MRC2: variants seen among roughly 807,000 people sequenced by gnomAD.
MRC2 encodes mannose receptor C-type 2, also known as C-type mannose receptor 2.
In MRC2, 84 loss-of-function variants were observed where a neutral mutation model predicts 206.2. The observed-to-expected ratio is 0.41, with a 90% CI of 0.34 to 0.49. The LOEUF (loss-of-function observed/expected upper bound fraction) is 0.49, where lower values mean the gene tolerates loss of function less well. Among genes scored for constraint, MRC2 ranks in the 20% least tolerant of loss-of-function variants. The probability of loss-of-function intolerance (pLI) is 0.31; values close to 1 mark genes in which losing one functional copy is unlikely to be tolerated. For missense variants in MRC2, 1,676 were observed against 2,001.5 expected, an observed-to-expected ratio of 0.84 and a Z score of 3.10; for synonymous variants, 798 against 800.0, an observed-to-expected ratio of 1.00 and a Z score of 0.04.
At position 62,674,105 on chromosome 17, in the gene MRC2, T is replaced by G; in HGVS notation, c.1504T>G (p.Ser502Ala). The change falls in exon 9 of 30, where the codon TCC becomes GCC. Residue 502 changes from serine to alanine, a missense_variant. Around this residue, in one of 3 missense-constraint regions of MRC2, gnomAD observed 1,354 missense variants for 1,636.6 expected, o/e 0.83. Coordinates refer to ENST00000303375, the MANE Select transcript of MRC2 (RefSeq NM_006039.5). ...NDSPCNQSLP[S>A]ICKKAGQLSQ... Reference sequence around the variant, plus strand: ...CAGTCCCTGTAACCAGTCCTTGCCATCCATCTGCAAGAAGGCAGGCCAGCT... The same window carrying G: ...CAGTCCCTGTAACCAGTCCTTGCCAGCCATCTGCAAGAAGGCAGGCCAGCT... 1 of 1,555,682 alleles carries G rather than the reference T, an allele frequency of 6.4e-7. No homozygotes were observed. Among genetic ancestry groups the G allele is most frequent in the Non-Finnish European group, 8.7e-7 (1 of 1,149,344 alleles).
intron 1 of MRC2, among the ~76,000 whole-genome samples, chr17:62,649,706 T>G (rs2088532068): frequency 6.6e-6 from 1 of 152,164 alleles, no homozygotes; most frequent in Admixed American, 6.6e-5. Context: ...GAAACGTGCC[T>G]TGATTTCTCA....
Position 62,667,451 on chromosome 17 carries a change from C to A in MRC2, c.1035C>A (p.Gly345=). The change falls in exon 6 of 30, where the codon GGC becomes GGA. Residue 345 remains glycine, a synonymous_variant. Coordinates refer to ENST00000303375, the MANE Select transcript of MRC2 (RefSeq NM_006039.5). The surrounding 1 kb of genome is among the most constrained non-coding windows in gnomAD (Gnocchi z 4.1). ...TGATCCGCACTGAGTCCTCGGGCGGCTGGCAGAACCGTGACTGCAGCATCG... is the reference window on the plus strand; with the variant it reads ...TGATCCGCACTGAGTCCTCGGGCGGATGGCAGAACCGTGACTGCAGCATCG... ...CGVIRTESSG[G]WQNRDCSIAL... The A allele has an allele frequency of 6.2e-7, 1 of 1,612,820 alleles. No homozygotes were observed. The highest frequency in any genetic ancestry group is 8.5e-7 in the Non-Finnish European group (1 of 1,179,782).
chr17:62,644,623 C>T (rs897981713), intron 1 of MRC2, among the ~76,000 whole-genome samples: 3 of 152,146 alleles, frequency 2.0e-5, no homozygotes, highest in Non-Finnish European at 2.9e-5. Context: ...CAGTCAGTCA[C>T]GTGACCCCAG....
intron 1 of MRC2, among the ~76,000 whole-genome samples, chr17:62,659,227 CA>C (rs1212873415): frequency 1.3e-5 from 2 of 152,094 alleles, no homozygotes; most frequent in African/African-American, 2.4e-5. Flanking sequence ...ATCCTAATGC[CA>C]TCACCATGGG....
chr17:62,690,547 A>G, intron 26 of MRC2, 95 bp from the exon 27 acceptor site: 1 of 1,491,446 alleles, frequency 6.7e-7, no homozygotes, highest in South Asian at 1.3e-5. Flanking sequence ...ACCATCCTCT[A>G]CTCAGGCTGC....
chr17:62,675,674 C>T lies in MRC2; in HGVS notation c.1570-116C>T, dbSNP rs546709363. 3.0e-5 allele frequency: 24 copies of T among 799,222 alleles called. No individual in the cohort carries two copies. The highest frequency in any genetic ancestry group is 1.1e-4 in the South Asian group (7 of 64,624). 49.5% of individuals were successfully genotyped at this position (799,222 alleles called of 1,614,324 possible). A position where few individuals can be genotyped will look rare whatever the true frequency, so the allele number is the denominator to read the frequency against. ...GCCCAGTACTCAAACCAGTCCCCTC[C>T]GTCCTGAGCACGTTCAGTGATGTCC... On this transcript the variant is annotated intron_variant, in intron 9 of 29. Coordinates refer to ENST00000303375, the MANE Select transcript of MRC2 (RefSeq NM_006039.5). The surrounding 1 kb of genome is among the most constrained non-coding windows in gnomAD (Gnocchi z 4.1).
intron 11 of MRC2, 108 bp downstream of exon 11, chr17:62,676,639 C>A: frequency 7.3e-7 from 1 of 1,370,754 alleles, no homozygotes; most frequent in Non-Finnish European, 9.9e-7. Flanking sequence ...ATCATTGGTG[C>A]ACTGTGGTGT....
Position 62,681,904 on chromosome 17 carries a change from G to A in MRC2, c.2770G>A (p.Asp924Asn). 2 of 1,613,960 alleles carry A rather than the reference G, an allele frequency of 1.2e-6. No homozygotes were observed. Among genetic ancestry groups the A allele is most frequent in the East Asian group, 2.2e-5 (1 of 44,882 alleles). ...AGGCAAACCTCGGCCTGTCGGCAAG[G>A]ACAAGAAGTGCGTGTACATGACAGC... The part of the protein sequence containing the change: ...APGKPRPVGK[D>N]KKCVYMTASR... Residue 924 changes from aspartate to asparagine, a missense_variant, in exon 19 of 30, where the codon GAC (aspartate) becomes AAC (asparagine). Coordinates refer to ENST00000303375, the MANE Select transcript of MRC2 (RefSeq NM_006039.5).
chr17:62,692,176 A>AGG lies in MRC2; in HGVS notation c.4219+38_4219+39insGG. ...CAATGCCCCCAGGTGGGCAGGCAGG[A>AGG]AGCACTGCTGGGCCTAACGCCCACT... On this transcript the variant is annotated intron_variant, in intron 29 of 29. Transcript: ENST00000303375. This position sits in a 1 kb window ranked among gnomAD's most constrained non-coding sequence, Gnocchi z 4.2. 2 of 1,614,094 alleles carry AGG rather than the reference A, an allele frequency of 1.2e-6. No homozygotes were observed. Among genetic ancestry groups the AGG allele is most frequent in the Non-Finnish European group, 1.7e-6 (2 of 1,180,030 alleles).
At chr17:62,690,909 C>T (rs2089102171) in intron 27 of MRC2, 40 bp from the exon 28 acceptor site, 8 of 1,530,392 alleles carry the variant, frequency 5.2e-6, no homozygotes, top group Non-Finnish European at 7.0e-6. Flanking sequence ...TACTCCTGCC[C>T]CACCTTGTCC....
At position 62,691,126 on chromosome 17, in the gene MRC2, G is replaced by A. The variant is rs527861126; in HGVS notation, c.4190G>A (p.Arg1397His). ...ITMGVVCKLP[R>H]AEQSSFSPSA... ...ATGGGTGTCGTCTGCAAGCTTCCTCGTGGTGAGCGCCGGGCAGGCCCACGC... is the reference window on the plus strand; with the variant it reads ...ATGGGTGTCGTCTGCAAGCTTCCTCATGGTGAGCGCCGGGCAGGCCCACGC... Residue 1397 changes from arginine (R) to histidine (H), a missense_variant and splice_region_variant, in exon 28 of 30, where the codon CGT (arginine) becomes CAT (histidine). Coordinates refer to ENST00000303375, the MANE Select transcript of MRC2 (RefSeq NM_006039.5). The A allele has an allele frequency of 1.9e-6, 3 of 1,601,910 alleles. No homozygotes were observed. The highest frequency in any genetic ancestry group is 2.3e-5 in the East Asian group (1 of 44,398).
intron 1 of MRC2, among the ~76,000 whole-genome samples, chr17:62,630,325 T>C (rs1482281162): frequency 6.6e-6 from 1 of 152,208 alleles, no homozygotes; most frequent in African/African-American, 2.4e-5. Flanking sequence ...TGGACCATTT[T>C]TGCAGTTCAG....
intron 1 of MRC2, among the ~76,000 whole-genome samples, chr17:62,651,715 A>T (rs765546996): frequency 4.6e-5 from 7 of 151,858 alleles, no homozygotes; most frequent in Non-Finnish European, 1.0e-4. Flanking sequence ...ATACACCACC[A>T]CATCTGCCAC....
chr17:62,637,193 C>T (rs912312323), intron 1 of MRC2, among the ~76,000 whole-genome samples: 1 of 151,832 alleles, frequency 6.6e-6, no homozygotes, highest in Admixed American at 6.6e-5. Context: ...ACCCCCGTCT[C>T]TACTAAAAAT....
chr17:62,644,967 G>A (rs2088457672), intron 1 of MRC2, among the ~76,000 whole-genome samples: 1 of 152,176 alleles, frequency 6.6e-6, no homozygotes, highest in South Asian at 2.1e-4. Context: ...CACAGAAGGG[G>A]AGGGGTGGAG....
At position 62,692,106 on chromosome 17, in the gene MRC2, C is replaced by G; in HGVS notation, c.4193-6C>G. 1.2e-6 allele frequency: 2 copies of G among 1,614,252 alleles called. No individual in the cohort carries two copies. The highest frequency in any genetic ancestry group is 1.7e-6 in the Non-Finnish European group (2 of 1,180,054). ...TTATTAACTGGCCCCCTCCTCTTGC[C>G]CACAGCTGAGCAGAGCAGCTTCTCC... On this transcript the variant is annotated splice_region_variant and splice_polypyrimidine_tract_variant and intron_variant, in intron 28 of 29. Transcript: ENST00000303375. The surrounding 1 kb of genome is among the most constrained non-coding windows in gnomAD (Gnocchi z 4.2).
chr17:62,648,999 C>T (rs1181790931), intron 1 of MRC2, among the ~76,000 whole-genome samples: 1 of 152,198 alleles, frequency 6.6e-6, no homozygotes, highest in Non-Finnish European at 1.5e-5. Context: ...GCCTTCTCTC[C>T]CTTTGTCCTC....
intron 1 of MRC2, among the ~76,000 whole-genome samples, chr17:62,636,845 G>C (rs189507865): frequency 6.6e-6 from 1 of 151,870 alleles, no homozygotes; most frequent in Non-Finnish European, 1.5e-5. Context: ...GGGCTCATGC[G>C]ATTCTTCTGC....
Position 62,652,472 on chromosome 17 carries a change from C to T in MRC2, c.119-12076C>T, listed in dbSNP as rs1016832279. Reference sequence around the variant, plus strand: ...TCCCATTCCCGAATTCTGCCCTCAGCGGCCTGGTCAATGAGGTTGGATCGT... The same window carrying T: ...TCCCATTCCCGAATTCTGCCCTCAGTGGCCTGGTCAATGAGGTTGGATCGT... On this transcript the variant is annotated intron_variant, in intron 1 of 29. Coordinates refer to ENST00000303375, the MANE Select transcript of MRC2 (RefSeq NM_006039.5). This position sits in a 1 kb window ranked among gnomAD's most constrained non-coding sequence, Gnocchi z 4.6. 3.3e-5 allele frequency among the ~76,000 whole-genome samples: 5 copies of T among 152,238 alleles called. No individual in the cohort carries two copies. The highest frequency in any genetic ancestry group is 5.9e-5 in the Non-Finnish European group (4 of 68,050).
Sources: gnomAD v4.1 joint callset for allele counts (sites outside exome capture counted in the v4.1 genomes callset) on GRCh38, gnomAD v4.1.1 for gene constraint, gnomAD v4.1.1 regional missense constraint, Gnocchi (gnomAD v3.1) non-coding constraint, MANE v1.5 for transcripts, NCBI Gene and HGNC (gene_info 2026-07-23, HGNC 2026-07-21) for gene names.